The following CRACD variants were observed in gnomAD, a reference collection of about 807,000 sequenced individuals.
CRACD encodes the protein capping protein-inhibiting regulator of actin dynamics.
In CRACD, 56 loss-of-function variants were observed where a neutral mutation model predicts 106.8. The ratio of observed to expected loss-of-function variants is 0.52; its 90% CI spans 0.42 to 0.66. CRACD has a LOEUF of 0.66. Among genes scored for constraint, CRACD ranks in the 30% least tolerant of loss-of-function variants. The probability of loss-of-function intolerance (pLI) is 0.00; values close to 1 mark genes in which losing one functional copy is unlikely to be tolerated. For missense variants in CRACD, 1,730 were observed against 1,623.2 expected, an observed-to-expected ratio of 1.07 and a Z score of -1.13; for synonymous variants, 754 against 670.8, an observed-to-expected ratio of 1.12 and a Z score of -1.92.
At position 56,074,596 on chromosome 4, in the gene CRACD, T is replaced by C. The variant is rs145344875; in HGVS notation, c.-336+25297T>C. On this transcript the variant is annotated intron_variant, in intron 1 of 10. Transcript: ENST00000682029. ...TTAAGGAGTTTTGGGGCTGAGACGA[T>C]GGTGTTTTCTAAATATACAATCATG... Among the ~76,000 whole-genome samples the C allele has an allele frequency of 6.3e-3, 953 of 152,298 alleles. 11 individuals carry two copies. The highest frequency in any genetic ancestry group is 0.022 in the African/African-American group (898 of 41,560).
At chr4:56,245,819 C>A (rs1420167187) in intron 2 of CRACD, among the ~76,000 whole-genome samples, 1 of 152,188 alleles carries the variant, frequency 6.6e-6, no homozygotes, top group Non-Finnish European at 1.5e-5. Flanking sequence ...AATCGAACTT[C>A]CAATGTTTGG....
chr4:56,269,380 C>T (rs1479716887), intron 2 of CRACD, among the ~76,000 whole-genome samples: 3 of 150,638 alleles, frequency 2.0e-5, no homozygotes, highest in East Asian at 2.0e-4. Context: ...GAGACCCTCT[C>T]GCAAAGTAAA....
intron 1 of CRACD, among the ~76,000 whole-genome samples, chr4:56,107,153 G>GT (rs113945305): frequency 0.12 from 18,695 of 151,740 alleles, 1,191 homozygotes; most frequent in East Asian, 0.19. Flanking sequence ...AAAAACATTG[G>GT]GTTTTTTTTC....
At chr4:56,125,108 G>A (rs542393718) in intron 1 of CRACD, among the ~76,000 whole-genome samples, 1 of 152,288 alleles carries the variant, frequency 6.6e-6, no homozygotes, top group South Asian at 2.1e-4. Context: ...TACTTTCATA[G>A]TAAAGAAGAT....
chr4:56,072,940 C>CT (rs1732714132), intron 1 of CRACD, among the ~76,000 whole-genome samples: 1 of 152,116 alleles, frequency 6.6e-6, no homozygotes. Context: ...TGAACGCATT[C>CT]TTTTTTATGG....
intron 1 of CRACD, among the ~76,000 whole-genome samples, chr4:56,056,211 G>C (rs997651786): frequency 2.0e-5 from 3 of 152,172 alleles, no homozygotes; most frequent in Non-Finnish European, 4.4e-5. Flanking sequence ...AAACCACCTA[G>C]TTGTTTACAG....
intron 2 of CRACD, among the ~76,000 whole-genome samples, chr4:56,217,441 G>T (rs1426771332): frequency 6.6e-6 from 1 of 152,018 alleles, no homozygotes; most frequent in African/African-American, 2.4e-5. Context: ...TGGGGTGGGA[G>T]GGGGAGGGAT....
chr4:56,244,271 T>C (rs1740548094), intron 2 of CRACD, among the ~76,000 whole-genome samples: 1 of 151,952 alleles, frequency 6.6e-6, no homozygotes, highest in Admixed American at 6.6e-5. Context: ...GGCCTGATAA[T>C]GAGGGGGCCT....
chr4:56,078,034 A>G (rs1293271096), intron 1 of CRACD, among the ~76,000 whole-genome samples: 1 of 152,244 alleles, frequency 6.6e-6, no homozygotes, highest in African/African-American at 2.4e-5. Context: ...TATGTACGTG[A>G]TAAAAGACTG....
At chr4:56,063,156 G>C (rs930899115) in intron 1 of CRACD, among the ~76,000 whole-genome samples, 4 of 152,110 alleles carry the variant, frequency 2.6e-5, no homozygotes, top group Non-Finnish European at 5.9e-5. Flanking sequence ...TTGCTTATTA[G>C]ATCTGCATTT....
At chr4:56,143,945 A>G (rs1427054164) in intron 1 of CRACD, among the ~76,000 whole-genome samples, 1 of 152,148 alleles carries the variant, frequency 6.6e-6, no homozygotes, top group Admixed American at 6.5e-5. Flanking sequence ...AAATGCTACA[A>G]TGAGGGAAAT....
chr4:56,066,362 T>C (rs1384428042), intron 1 of CRACD, among the ~76,000 whole-genome samples: 1 of 152,162 alleles, frequency 6.6e-6, no homozygotes, highest in Non-Finnish European at 1.5e-5. Flanking sequence ...GAGGAGTTTT[T>C]CATCATAGCT....
chr4:56,274,681 C>CTTA (rs1742572129), intron 3 of CRACD, among the ~76,000 whole-genome samples: 3 of 44,116 alleles, frequency 6.8e-5, no homozygotes, highest in African/African-American at 5.3e-4. Context: ...TTAATTAAAC[C>CTTA]TTTTTATAAT....
chr4:56,096,848 C>T (rs1282449863), intron 1 of CRACD, among the ~76,000 whole-genome samples: 1 of 152,020 alleles, frequency 6.6e-6, no homozygotes, highest in African/African-American at 2.4e-5. Context: ...GTAGAGAAAA[C>T]TTTTTTGAGT....
intron 1 of CRACD, among the ~76,000 whole-genome samples, chr4:56,140,054 T>C (rs556252651): frequency 8.5e-5 from 13 of 152,234 alleles, no homozygotes; most frequent in African/African-American, 2.7e-4. Flanking sequence ...TCTTACTATA[T>C]GTATTTATAA....
intron 1 of CRACD, among the ~76,000 whole-genome samples, chr4:56,057,961 G>GGTGT (rs1410727544): frequency 5.0e-5 from 6 of 119,242 alleles, no homozygotes; most frequent in African/African-American, 1.3e-4. Flanking sequence ...TGGGACTACA[G>GGTGT]GCGCCCGCTA....
At chr4:56,108,622 G>A (rs1005374491) in intron 1 of CRACD, among the ~76,000 whole-genome samples, 3 of 152,016 alleles carry the variant, frequency 2.0e-5, no homozygotes, top group Admixed American at 6.6e-5. Context: ...ATGGCTGGGC[G>A]CGCTGATATT....
At position 56,066,892 on chromosome 4, in the gene CRACD, T is replaced by G. The variant is rs78635919; in HGVS notation, c.-336+17593T>G. ...GGTATTATATGTGACTGAAAAACAG[T>G]CTAGAAGAGGAAAGAAGATGGTGAT... On this transcript the variant is annotated intron_variant, in intron 1 of 10. Coordinates refer to ENST00000682029, the MANE Select transcript of CRACD (RefSeq NM_001393381.1). Among the ~76,000 whole-genome samples the G allele has an allele frequency of 2.7e-4, 41 of 151,968 alleles. 1 individual carries two copies. The highest frequency in any genetic ancestry group is 4.4e-5 in the Non-Finnish European group (3 of 68,006).
intron 3 of CRACD, 34 bp from the exon 4 acceptor site, chr4:56,298,180 C>G: frequency 6.3e-7 from 1 of 1,592,778 alleles, no homozygotes; most frequent in Non-Finnish European, 8.6e-7. Context: ...GAAATTTTAT[C>G]CTAATAAAAT....
Sources: allele counts gnomAD v4.1 joint callset (sites outside exome capture counted in the v4.1 genomes callset), GRCh38; gene constraint gnomAD v4.1.1; transcripts MANE v1.5; gene names NCBI Gene and HGNC (gene_info 2026-07-23, HGNC 2026-07-21).